Variants in SLC39A8 observed in about 807,000 individuals in gnomAD.
SLC39A8 encodes metal cation symporter ZIP8.
In SLC39A8, 15 loss-of-function variants were observed where a neutral mutation model predicts 40.4. The ratio of observed to expected loss-of-function variants is 0.37; its 90% CI spans 0.25 to 0.57. SLC39A8 has a LOEUF of 0.57. Ranked by LOEUF, SLC39A8 falls within the 20% of genes least tolerant of loss-of-function variation. The pLI is 0.75. For synonymous variants in SLC39A8, 223 were observed against 221.6 expected (o/e 1.01, Z -0.06); for missense variants, 472 against 558.8 (o/e 0.84, Z 1.57).
chr4:102,300,918 T>C (rs1198570160), intron 6 of SLC39A8, among the ~76,000 whole-genome samples: 2 of 152,012 alleles, frequency 1.3e-5, no homozygotes, highest in East Asian at 3.9e-4. Context: ...TTTTGTGCAA[T>C]GTAAACAAAA....
At chr4:102,251,975 AT>A (rs1731602777) in exon 12 of SLC39A8, 1 of 152,268 alleles carries the variant, frequency 6.6e-6, no homozygotes. Context: ...TGATGGCATA[AT>A]TCTTAACCTC....
intron 6 of SLC39A8, among the ~76,000 whole-genome samples, chr4:102,297,461 G>A (rs1016753193): frequency 6.6e-6 from 1 of 152,088 alleles, no homozygotes; most frequent in Non-Finnish European, 1.5e-5. Context: ...AACATATATA[G>A]TCTTATTTCA....
chr4:102,254,562 G>A (rs557693539), intron 11 of SLC39A8, among the ~76,000 whole-genome samples: 3 of 152,302 alleles, frequency 2.0e-5, no homozygotes, highest in African/African-American at 7.2e-5. Flanking sequence ...ATATCAGTGA[G>A]GCATGTGCCT....
At chr4:102,278,332 T>C (rs1158122457) in intron 6 of SLC39A8, among the ~76,000 whole-genome samples, 1 of 152,108 alleles carries the variant, frequency 6.6e-6, no homozygotes, top group Non-Finnish European at 1.5e-5. Context: ...GTGAAGAATA[T>C]GAACAGACAC....
At chr4:102,328,808 G>C (rs1735326495) in intron 2 of SLC39A8, among the ~76,000 whole-genome samples, 2 of 152,046 alleles carry the variant, frequency 1.3e-5, no homozygotes, top group Admixed American at 6.5e-5. Context: ...GGAGGATCAC[G>C]AGGTCAGGAG....
chr4:102,320,195 A>G (rs1335153354), intron 2 of SLC39A8, among the ~76,000 whole-genome samples: 1 of 137,224 alleles, frequency 7.3e-6, no homozygotes, highest in Non-Finnish European at 1.5e-5. Flanking sequence ...ATATATGTAT[A>G]TATATATGTA....
intron 2 of SLC39A8, among the ~76,000 whole-genome samples, chr4:102,334,097 C>G (rs566893436): frequency 3.4e-4 from 52 of 152,100 alleles, no homozygotes; most frequent in Non-Finnish European, 7.2e-4. Context: ...AAAGCCAGAA[C>G]CAATGGTTTG....
intron 6 of SLC39A8, among the ~76,000 whole-genome samples, chr4:102,292,970 T>G (rs1415664908): frequency 2.6e-5 from 4 of 152,062 alleles, no homozygotes; most frequent in Non-Finnish European, 2.9e-5. Context: ...GAGTCAGATT[T>G]AAACTCAAAT....
intron 2 of SLC39A8, among the ~76,000 whole-genome samples, chr4:102,343,331 G>C (rs1422920085): frequency 1.1e-4 from 17 of 152,112 alleles, no homozygotes; most frequent in Admixed American, 1.1e-3. Flanking sequence ...TTTGATTACA[G>C]TTTCCCTAAC....
intron 2 of SLC39A8, among the ~76,000 whole-genome samples, chr4:102,326,411 A>G (rs1036701255): frequency 2.0e-5 from 3 of 152,126 alleles, no homozygotes; most frequent in African/African-American, 7.2e-5. Flanking sequence ...ACTACAAAAA[A>G]TTAGCCAGGC....
In SLC39A8 at chr4:102,344,621, C is replaced by G. The variant is rs74655612; in HGVS notation, c.42G>C (p.Ala14=). 1.9e-6 allele frequency: 3 copies of G among 1,539,598 alleles called. No homozygotes were observed. The highest frequency in any genetic ancestry group is 2.0e-5 in the Admixed American group (1 of 50,118). Residue 14 remains alanine (A), a synonymous_variant, in exon 2 of 9, where the codon GCG becomes GCC. Coordinates refer to ENST00000356736, the MANE Select transcript of SLC39A8 (RefSeq NM_001135146.2). The stretch of plus-strand genomic sequence containing the variant: ...CCGCCACTCCTCCGAGGCCGGCGGC[C>G]GCCAGCAACAGGAGCCCGGCCACCG... ...GRAVAGLLLL[A]AAGLGGVAEG... is the part of the protein sequence containing the mutation.
chr4:102,267,810 A>G, intron 7 of SLC39A8, 62 bp downstream of exon 7: 1 of 1,579,396 alleles, frequency 6.3e-7, no homozygotes, highest in Non-Finnish European at 8.6e-7. Flanking sequence ...TCACCTGAAA[A>G]GTCTCATTCC....
chr4:102,326,080 G>T lies in SLC39A8; in HGVS notation c.220-10250C>A, dbSNP rs139658342. Among the ~76,000 whole-genome samples, 123 of 152,288 alleles carry T rather than the reference G, an allele frequency of 8.1e-4. 1 individual carries two copies. Among genetic ancestry groups the T allele is most frequent in the African/African-American group, 2.9e-3 (120 of 41,552 alleles). ...GCTTCCCACCCCTGACATGTCTTCA[G>T]GGGGCAGAGGCCACCCTACTTCCCA... is the stretch of plus-strand genomic sequence containing the variant. On this transcript the variant is annotated intron_variant, in intron 2 of 8. Transcript: ENST00000356736.
chr4:102,320,449 TGA>T (rs1224000755), intron 2 of SLC39A8, among the ~76,000 whole-genome samples: 3 of 101,670 alleles, frequency 3.0e-5, no homozygotes, highest in Non-Finnish European at 3.9e-5. Context: ...AATATATATA[TGA>T]GAGTATATAT....
exon 12 of SLC39A8, chr4:102,251,586 C>G (rs1335798795): frequency 2.0e-5 from 3 of 152,128 alleles, no homozygotes; most frequent in Admixed American, 1.3e-4. Flanking sequence ...TTATTTAATA[C>G]ATGTTTTACA....
chr4:102,290,270 C>T (rs1486147177), intron 6 of SLC39A8, among the ~76,000 whole-genome samples: 1 of 152,136 alleles, frequency 6.6e-6, no homozygotes, highest in Admixed American at 6.5e-5. Context: ...ACAGTGCACA[C>T]TTAATAGACT....
At chr4:102,304,792 A>C (rs61165908) in intron 5 of SLC39A8, among the ~76,000 whole-genome samples, 197 bp downstream of exon 5, 192 of 151,254 alleles carry the variant, frequency 1.3e-3, no homozygotes, top group African/African-American at 4.5e-3. Context: ...AACAAAAATA[A>C]CCTCCAAATT....
chr4:102,299,778 A>G (rs1733837086), intron 6 of SLC39A8, among the ~76,000 whole-genome samples: 3 of 152,080 alleles, frequency 2.0e-5, no homozygotes, highest in African/African-American at 4.8e-5. Flanking sequence ...TTTCATAAAA[A>G]GAGAGACTGA....
At chr4:102,307,043 T>C (rs1358122699) in intron 4 of SLC39A8, among the ~76,000 whole-genome samples, 3 of 152,086 alleles carry the variant, frequency 2.0e-5, no homozygotes, top group Non-Finnish European at 2.9e-5. Flanking sequence ...TTAAATACAT[T>C]ATAAATTTAC....
Sources: allele counts gnomAD v4.1 joint callset (sites outside exome capture counted in the v4.1 genomes callset), GRCh38; gene constraint gnomAD v4.1.1; transcripts MANE v1.5; gene names NCBI Gene and HGNC (gene_info 2026-07-23, HGNC 2026-07-21).